Variants in NOL4L observed in about 807,000 individuals in gnomAD.
NOL4L encodes the protein nucleolar protein 4 like.
Under a neutral mutation model 64.5 loss-of-function variants are expected in NOL4L, and 7 were observed. The ratio of observed to expected loss-of-function variants is 0.11; its 90% CI spans 0.06 to 0.20. NOL4L has a LOEUF of 0.20. Among genes scored for constraint, NOL4L ranks in the 10% least tolerant of loss-of-function variants. The probability of loss-of-function intolerance (pLI) is 1.00; values close to 1 mark genes in which losing one functional copy is unlikely to be tolerated. For missense variants in NOL4L, 680 were observed against 967.1 expected (o/e 0.70, Z 3.94); for synonymous variants, 413 against 401.0 (o/e 1.03, Z -0.36).
chr20:32,535,109 A>C (rs1285004535), intron 1 of NOL4L, among the ~76,000 whole-genome samples: 1 of 152,028 alleles, frequency 6.6e-6, no homozygotes, highest in African/African-American at 2.4e-5. Context: ...AATGAAGACC[A>C]TCACCCAAAC....
chr20:32,488,803 C>T (rs1013138746), intron 4 of NOL4L, among the ~76,000 whole-genome samples: 14 of 58,166 alleles, frequency 2.4e-4, no homozygotes, highest in South Asian at 6.1e-4. Flanking sequence ...TTCTTTCTTT[C>T]TTTTTCTTTC....
intron 5 of NOL4L, among the ~76,000 whole-genome samples, chr20:32,458,462 G>T (rs1225004393): frequency 6.6e-6 from 1 of 152,138 alleles, no homozygotes; most frequent in African/African-American, 2.4e-5. Context: ...CCTGGCCCAG[G>T]GTCATCGTGA....
intron 4 of NOL4L, among the ~76,000 whole-genome samples, chr20:32,501,858 G>A (rs566853895): frequency 7.9e-5 from 12 of 152,250 alleles, no homozygotes; most frequent in East Asian, 1.9e-4. Context: ...AGAGAGCTAC[G>A]GATGGGGAAA....
At chr20:32,562,709 C>T (rs1358886272) in intron 1 of NOL4L, among the ~76,000 whole-genome samples, 2 of 151,940 alleles carry the variant, frequency 1.3e-5, no homozygotes, top group Non-Finnish European at 1.5e-5. Context: ...AATCTCTGCC[C>T]TCCCTTGACC....
intron 1 of NOL4L, among the ~76,000 whole-genome samples, chr20:32,584,170 C>CACACACACACACACACACACA (rs1980731726): frequency 1.4e-5 from 2 of 145,604 alleles, no homozygotes; most frequent in African/African-American, 5.1e-5. Context: ...CACACACACA[C>CACACACACACACACACACACA]CGCCCAGCCG....
intron 1 of NOL4L, among the ~76,000 whole-genome samples, chr20:32,545,622 C>A (rs1254438211): frequency 6.6e-6 from 1 of 152,200 alleles, no homozygotes; most frequent in South Asian, 2.1e-4. Flanking sequence ...TTCTCCATCT[C>A]CCTTGCTTAG....
At chr20:32,502,610 T>C (rs1486313659) in intron 4 of NOL4L, among the ~76,000 whole-genome samples, 2 of 147,662 alleles carry the variant, frequency 1.4e-5, no homozygotes, top group African/African-American at 2.5e-5. Flanking sequence ...ATTCTATCTA[T>C]AAAAATAAAA....
At chr20:32,528,010 C>A in intron 1 of NOL4L, 97 bp from the exon 2 acceptor site, 1 of 1,050,002 alleles carries the variant, frequency 9.5e-7, no homozygotes, top group Non-Finnish European at 1.3e-6. Context: ...CGGGCAATGC[C>A]TCCGACAGTG....
At chr20:32,510,003 G>C in intron 4 of NOL4L, 1 of 1,201,596 alleles carries the variant, frequency 8.3e-7, no homozygotes, top group Non-Finnish European at 1.1e-6. Flanking sequence ...TAATGCAGAG[G>C]CTGCACAGTG....
At chr20:32,452,804 C>T in intron 9 of NOL4L, 80 bp downstream of exon 9, 1 of 1,578,830 alleles carries the variant, frequency 6.3e-7, no homozygotes, top group East Asian at 2.3e-5. Flanking sequence ...CATCACAGCT[C>T]CCTCAGTCCA....
At chr20:32,578,867 T>C (rs917938350) in intron 1 of NOL4L, among the ~76,000 whole-genome samples, 1 of 152,182 alleles carries the variant, frequency 6.6e-6, no homozygotes, top group Admixed American at 6.5e-5. Flanking sequence ...TCCCGCCCCA[T>C]GCTTGGCTTT....
At chr20:32,470,731 C>G (rs2014950714) in intron 5 of NOL4L, among the ~76,000 whole-genome samples, 1 of 152,252 alleles carries the variant, frequency 6.6e-6, no homozygotes, top group South Asian at 2.1e-4. Flanking sequence ...GAAACTGTGG[C>G]AGGAGCTGGC....
chr20:32,538,907 T>TGTGCAAACGAC (rs997807159), intron 1 of NOL4L, among the ~76,000 whole-genome samples: 2 of 152,108 alleles, frequency 1.3e-5, no homozygotes, highest in Non-Finnish European at 2.9e-5. Context: ...CACTGAGTAA[T>TGTGCAAACGAC]GTGCAAACGA....
At chr20:32,570,172 G>T (rs960528555) in intron 1 of NOL4L, among the ~76,000 whole-genome samples, 13 of 152,056 alleles carry the variant, frequency 8.5e-5, no homozygotes, top group Admixed American at 7.2e-4. Flanking sequence ...AGCACAGCCA[G>T]GATTCGAACC....
chr20:32,483,153 A>C (rs1600724315), intron 4 of NOL4L, among the ~76,000 whole-genome samples: 5 of 85,496 alleles, frequency 5.8e-5, no homozygotes, highest in Non-Finnish European at 1.3e-4. Context: ...GCCCCAGCCC[A>C]CTCGGCCCAG....
At chr20:32,580,433 GT>G (rs1980396002) in intron 1 of NOL4L, among the ~76,000 whole-genome samples, 1 of 152,228 alleles carries the variant, frequency 6.6e-6, no homozygotes, top group South Asian at 2.1e-4. Flanking sequence ...GCGGCCGCAG[GT>G]GCCAAAGGTT....
At position 32,443,143 on chromosome 20, in the gene NOL4L, T is replaced by C. The variant is rs1445539703; in HGVS notation, c.*4453A>G. 1.3e-5 allele frequency: 2 copies of C among 152,212 alleles called. No individual in the cohort carries two copies. The highest frequency in any genetic ancestry group is 4.8e-5 in the African/African-American group (2 of 41,440). 9.4% of individuals were successfully genotyped at this position (152,212 alleles called of 1,614,324 possible). A position where few individuals can be genotyped will look rare whatever the true frequency, so the allele number is the denominator to read the frequency against. ...CAAAAGGAAAAGGATTCCACATACT[T>C]ATGAAATCAGTGCATTTAGCAAGTA... On this transcript the variant is annotated 3_prime_UTR_variant, in exon 11 of 11. Transcript: ENST00000621426.
chr20:32,528,033 G>C (rs939086329), intron 1 of NOL4L, 120 bp from the exon 2 acceptor site: 8 of 695,612 alleles, frequency 1.2e-5, no homozygotes, highest in Admixed American at 3.2e-5. Context: ...TCTTGGGGTG[G>C]GGAGGGGAGG....
intron 4 of NOL4L, among the ~76,000 whole-genome samples, chr20:32,488,867 C>CT (rs1173425260): frequency 1.2e-5 from 1 of 82,534 alleles, no homozygotes; most frequent in Non-Finnish European, 2.3e-5. Context: ...TTCTTTCTTT[C>CT]TTTCTTTCTT....
Sources: allele counts gnomAD v4.1 joint callset (sites outside exome capture counted in the v4.1 genomes callset), GRCh38; gene constraint gnomAD v4.1.1; transcripts MANE v1.5; gene names NCBI Gene and HGNC (gene_info 2026-07-23, HGNC 2026-07-21).